Variants in SH3GL3 observed in about 807,000 individuals in gnomAD.
SH3GL3 encodes endophilin-A3.
A neutral mutation model predicts 47.7 loss-of-function variants in SH3GL3; 33 were observed. That is an observed-to-expected ratio of 0.69 (90% CI 0.52 to 0.92). SH3GL3 has a LOEUF of 0.92. Among genes scored for constraint, SH3GL3 ranks in the 40% least tolerant of loss-of-function variants. SH3GL3 has a pLI of 0.00. For missense variants in SH3GL3, 363 were observed against 417.8 expected, an observed-to-expected ratio of 0.87 and a Z score of 1.14; for synonymous variants, 155 against 148.8, an observed-to-expected ratio of 1.04 and a Z score of -0.30.
chr15:83,617,324 T>C (rs1448444100), intron 8 of SH3GL3, among the ~76,000 whole-genome samples: 1 of 152,200 alleles, frequency 6.6e-6, no homozygotes, highest in Non-Finnish European at 1.5e-5. Context: ...AGGTCCTCCC[T>C]ACTACCCTCT....
intron 1 of SH3GL3, among the ~76,000 whole-genome samples, chr15:83,486,632 A>G (rs192830726): frequency 1.3e-5 from 2 of 152,202 alleles, no homozygotes; most frequent in East Asian, 3.9e-4. Flanking sequence ...TAATTTGTCT[A>G]TTCATTTATC....
At chr15:83,579,756 A>G (rs2059785046) in intron 6 of SH3GL3, among the ~76,000 whole-genome samples, 1 of 152,160 alleles carries the variant, frequency 6.6e-6, no homozygotes, top group Non-Finnish European at 1.5e-5. Flanking sequence ...GAGGAGACTC[A>G]GAGATGATTG....
At chr15:83,567,429 T>C (rs1299755926) in intron 3 of SH3GL3, among the ~76,000 whole-genome samples, 1 of 152,156 alleles carries the variant, frequency 6.6e-6, no homozygotes. Context: ...GTCCCAGTAA[T>C]GAGCACAGTG....
chr15:83,617,337 C>T (rs780736999), intron 8 of SH3GL3, among the ~76,000 whole-genome samples: 5 of 152,188 alleles, frequency 3.3e-5, no homozygotes, highest in African/African-American at 1.2e-4. Context: ...TACCCTCTCC[C>T]CAGAGCTCCT....
At chr15:83,607,225 A>G (rs990462162) in intron 8 of SH3GL3, among the ~76,000 whole-genome samples, 1 of 152,224 alleles carries the variant, frequency 6.6e-6, no homozygotes, top group Non-Finnish European at 1.5e-5. Flanking sequence ...TTTGATCCAT[A>G]AGCTAAAATG....
At chr15:83,541,537 T>C (rs2044169191) in intron 1 of SH3GL3, among the ~76,000 whole-genome samples, 1 of 151,954 alleles carries the variant, frequency 6.6e-6, no homozygotes, top group Non-Finnish European at 1.5e-5. Context: ...AATTCTATTT[T>C]TTGAGGAAAT....
At chr15:83,495,470 C>T (rs1314061215) in intron 1 of SH3GL3, among the ~76,000 whole-genome samples, 1 of 152,184 alleles carries the variant, frequency 6.6e-6, no homozygotes, top group Non-Finnish European at 1.5e-5. Flanking sequence ...TGTGGTGGCT[C>T]ATGCCTGTAA....
At chr15:83,499,103 G>A (rs890213458) in intron 1 of SH3GL3, among the ~76,000 whole-genome samples, 2 of 152,026 alleles carry the variant, frequency 1.3e-5, no homozygotes, top group Non-Finnish European at 2.9e-5. Flanking sequence ...TGAGGTGGGG[G>A]ATGGGTTGCT....
At chr15:83,493,087 T>C (rs187106660) in intron 1 of SH3GL3, among the ~76,000 whole-genome samples, 46 of 152,362 alleles carry the variant, frequency 3.0e-4, no homozygotes, top group Non-Finnish European at 5.1e-4. Flanking sequence ...TTTTAAATAA[T>C]CGTTCTTTAA....
chr15:83,586,331 AAGTT>A (rs1294918665), intron 6 of SH3GL3, among the ~76,000 whole-genome samples: 3 of 152,164 alleles, frequency 2.0e-5, no homozygotes, highest in African/African-American at 4.8e-5. Context: ...AATTCATTGT[AAGTT>A]AGTCATTAAT....
chr15:83,623,662 G>A (rs769065447), downstream of SH3GL3, among the ~76,000 whole-genome samples: 1 of 152,190 alleles, frequency 6.6e-6, no homozygotes, highest in Non-Finnish European at 1.5e-5. Flanking sequence ...AAAGAAGTAG[G>A]GATATTAATG....
chr15:83,553,187 G>A (rs1225132317), intron 1 of SH3GL3, among the ~76,000 whole-genome samples: 2 of 152,096 alleles, frequency 1.3e-5, no homozygotes, highest in East Asian at 3.8e-4. Flanking sequence ...ACTCCAGCCT[G>A]GGCAACAAAG....
At position 83,572,558 on chromosome 15, in the gene SH3GL3, A is replaced by C. The variant is rs1341605132; in HGVS notation, c.332-7A>C. 6.2e-7 allele frequency: 1 copy of C among 1,609,588 alleles called. No homozygotes were observed. Among genetic ancestry groups the C allele is most frequent in the African/African-American group, 1.3e-5 (1 of 74,726 alleles). On this transcript the variant is annotated splice_region_variant and splice_polypyrimidine_tract_variant and intron_variant, in intron 4 of 8. Coordinates refer to ENST00000427482, the MANE Select transcript of SH3GL3 (RefSeq NM_003027.5). ...AGAACCTTTTGTATTTATGTTTTCT[A>C]TTCAAGGCAATGCATTGATAGAAGT...
At chr15:83,597,587 G>GTTTTA (rs2060266423) in intron 8 of SH3GL3, among the ~76,000 whole-genome samples, 2 of 150,822 alleles carry the variant, frequency 1.3e-5, no homozygotes, top group African/African-American at 2.4e-5. Context: ...TATTTATTTA[G>GTTTTA]TTTTATTTTA....
At chr15:83,563,872 A>G (rs1041638651) in intron 2 of SH3GL3, among the ~76,000 whole-genome samples, 3 of 152,188 alleles carry the variant, frequency 2.0e-5, no homozygotes, top group Non-Finnish European at 4.4e-5. Context: ...TGCTGACCTC[A>G]GGTGATCCAC....
chr15:83,482,056 A>C (rs1048023093), intron 1 of SH3GL3, among the ~76,000 whole-genome samples: 1 of 152,222 alleles, frequency 6.6e-6, no homozygotes, highest in African/African-American at 2.4e-5. Flanking sequence ...TTTCCTTGCC[A>C]ACACTGGGTC....
chr15:83,481,757 T>G (rs1026679140), intron 1 of SH3GL3, among the ~76,000 whole-genome samples: 1 of 152,192 alleles, frequency 6.6e-6, no homozygotes, highest in African/African-American at 2.4e-5. Context: ...GAGAAATATG[T>G]AATTTGGGTT....
At chr15:83,517,737 T>C (rs924080845) in intron 1 of SH3GL3, among the ~76,000 whole-genome samples, 16 of 150,582 alleles carry the variant, frequency 1.1e-4, no homozygotes, top group Admixed American at 2.6e-4. Flanking sequence ...CTCTCTCTTC[T>C]TTTAAAAATA....
intron 1 of SH3GL3, among the ~76,000 whole-genome samples, chr15:83,461,082 CAAA>C (rs544038100): frequency 8.1e-6 from 1 of 123,540 alleles, no homozygotes; most frequent in Non-Finnish European, 1.7e-5. Context: ...GACTCCATCT[CAAA>C]AAAAAAAAAA....
Sources: allele counts gnomAD v4.1 joint callset (sites outside exome capture counted in the v4.1 genomes callset), GRCh38; gene constraint gnomAD v4.1.1; transcripts MANE v1.5; gene names NCBI Gene and HGNC (gene_info 2026-07-23, HGNC 2026-07-21).